The following RFTN2 variants were observed in gnomAD, a reference collection of about 807,000 sequenced individuals.
RFTN2 encodes raftlin-2.
In RFTN2, 34 loss-of-function variants were observed where a neutral mutation model predicts 52.7. That is an observed-to-expected ratio of 0.64 (90% CI 0.49 to 0.86). The LOEUF (loss-of-function observed/expected upper bound fraction) is 0.86. Among genes scored for constraint, RFTN2 ranks in the 40% least tolerant of loss-of-function variants. The pLI is 0.00. For synonymous variants in RFTN2, 203 were observed against 217.7 expected (o/e 0.93, Z 0.59); for missense variants, 536 against 600.1 (o/e 0.89, Z 1.12).
chr2:197,581,621 C>G (rs1340368343), intron 8 of RFTN2, among the ~76,000 whole-genome samples: 1 of 152,178 alleles, frequency 6.6e-6, no homozygotes. Context: ...CACCCTCCTG[C>G]TTCTTCAACA....
At chr2:197,601,343 G>C (rs1404135827) in intron 7 of RFTN2, among the ~76,000 whole-genome samples, 1 of 152,160 alleles carries the variant, frequency 6.6e-6, no homozygotes, top group Non-Finnish European at 1.5e-5. Flanking sequence ...AAGATCTCTT[G>C]GACTAAACTA....
chr2:197,645,171 G>A (rs1421465106), intron 2 of RFTN2, among the ~76,000 whole-genome samples: 10 of 152,016 alleles, frequency 6.6e-5, no homozygotes. Context: ...CGGTGGTCCC[G>A]TAAGATTATA....
rs1317321402 is a variant in RFTN2, at chr2:197,569,653, G to A, written c.*2355C>T. 1 of 152,032 alleles carries A rather than the reference G, an allele frequency of 6.6e-6. No homozygotes were observed. The highest frequency in any genetic ancestry group is 1.5e-5 in the Non-Finnish European group (1 of 67,998). The allele number at this position is 152,032 out of a possible 1,614,324, so 9.4% of individuals were successfully genotyped here. A position where few individuals can be genotyped will look rare whatever the true frequency, so the allele number is the denominator to read the frequency against. ...GCTTACACAAATTTTTTAAAAAAGC[G>A]ATTGCTTGGCTGGGTGCAGTGGCTC... On this transcript the variant is annotated 3_prime_UTR_variant, in exon 9 of 9. Transcript: ENST00000295049.
rs1418111181 is a variant in RFTN2 at position 197,568,369 on chromosome 2, C to T, written c.*3639G>A. ...CAAAACTTTATGAACCTCATCAAAA[C>T]TGAGGCTCATCATTTTACAGTTTTG... is the stretch of plus-strand genomic sequence containing the variant. On this transcript the variant is annotated 3_prime_UTR_variant, in exon 9 of 9. Coordinates refer to ENST00000295049, the MANE Select transcript of RFTN2 (RefSeq NM_144629.3). The T allele has an allele frequency of 6.6e-6, 1 of 152,202 alleles. No individual in the cohort carries two copies. The highest frequency in any genetic ancestry group is 2.4e-5 in the African/African-American group (1 of 41,456). 9.4% of individuals were successfully genotyped at this position (152,202 alleles called of 1,614,324 possible). A position where few individuals can be genotyped will look rare whatever the true frequency, so the allele number is the denominator to read the frequency against.
At chr2:197,616,268 C>CATTTTATTTATTTTATTTTTTT (rs372876451) in intron 6 of RFTN2, among the ~76,000 whole-genome samples, 1 of 60,768 alleles carries the variant, frequency 1.6e-5, no homozygotes, top group African/African-American at 8.0e-5. Context: ...TGGGAATCTG[C>CATTTTATTTATTTTATTTTTTT]ATTTTATTTT....
chr2:197,647,193 A>G (rs10166328), intron 1 of RFTN2, among the ~76,000 whole-genome samples: 107,622 of 151,990 alleles, frequency 0.71, 38,802 homozygotes, highest in Middle Eastern at 0.86. Context: ...TTTTATGACT[A>G]AACAAGATGA....
chr2:197,646,995 GAA>G (rs1244006337), intron 1 of RFTN2, among the ~76,000 whole-genome samples: 1 of 150,800 alleles, frequency 6.6e-6, no homozygotes, highest in Non-Finnish European at 1.5e-5. Flanking sequence ...CAGAAAAAAG[GAA>G]AAGTGACCTT....
intron 5 of RFTN2, among the ~76,000 whole-genome samples, chr2:197,629,744 A>G (rs56858593): frequency 0.5 from 70,052 of 139,314 alleles, 16,785 homozygotes; most frequent in Middle Eastern, 0.6. Flanking sequence ...TTTTTTTGAG[A>G]CAGTGTCTTA....
At position 197,633,725 on chromosome 2, in the gene RFTN2, C is replaced by T. The variant is rs2088504552; in HGVS notation, c.711G>A (p.Lys237=). Residue 237 remains lysine (K), a synonymous_variant, in exon 4 of 9, where the codon AAG becomes AAA. Transcript: ENST00000295049. ...ACTAATCTTGTCTATTACCTTCTCCCTTTCTTGATTTAGAGGAAGTAGGGC... is the reference window on the plus strand; with the variant it reads ...ACTAATCTTGTCTATTACCTTCTCCTTTTCTTGATTTAGAGGAAGTAGGGC... ...NGSPTSSKSR[K]GEASDNKLYT... 4 of 1,612,636 alleles carry T rather than the reference C, an allele frequency of 2.5e-6. No individual in the cohort carries two copies. The highest frequency in any genetic ancestry group is 2.7e-5 in the African/African-American group (2 of 74,876).
intron 8 of RFTN2, among the ~76,000 whole-genome samples, chr2:197,579,603 T>C (rs1172031841): frequency 6.6e-6 from 1 of 152,158 alleles, no homozygotes; most frequent in East Asian, 1.9e-4. Context: ...CCAGGCATTC[T>C]TTTACACATC....
At chr2:197,594,019 T>C (rs1228661701) in intron 8 of RFTN2, among the ~76,000 whole-genome samples, 1 of 144,780 alleles carries the variant, frequency 6.9e-6, no homozygotes, top group Non-Finnish European at 1.5e-5. Context: ...ATATTTCTTT[T>C]TTTTTTTTTT....
intron 7 of RFTN2, among the ~76,000 whole-genome samples, chr2:197,611,697 T>C (rs533965176): frequency 1.3e-5 from 2 of 152,354 alleles, no homozygotes; most frequent in Admixed American, 6.5e-5. Flanking sequence ...CTTTTAATTG[T>C]GATGTTAGAG....
At chr2:197,620,049 A>G (rs574259997) in intron 5 of RFTN2, among the ~76,000 whole-genome samples, 2 of 152,064 alleles carry the variant, frequency 1.3e-5, no homozygotes, top group African/African-American at 4.8e-5. Context: ...CGTTGTATGC[A>G]TGTTAATTAT....
intron 7 of RFTN2, 149 bp downstream of exon 7, chr2:197,615,727 C>T (rs1412821320): frequency 8.7e-6 from 5 of 571,780 alleles, no homozygotes; most frequent in Non-Finnish European, 1.3e-5. Flanking sequence ...ACTATATTTA[C>T]TAACCTCTAA....
chr2:197,646,779 A>T, intron 1 of RFTN2, 113 bp from the exon 2 acceptor site: 4 of 801,560 alleles, frequency 5.0e-6, no homozygotes, highest in South Asian at 3.6e-5. Flanking sequence ...GCCGGGTGCA[A>T]TGGCACATGC....
intron 5 of RFTN2, among the ~76,000 whole-genome samples, chr2:197,620,309 CAAT>C (rs1027286466): frequency 6.6e-6 from 1 of 152,064 alleles, no homozygotes; most frequent in Admixed American, 6.6e-5. Flanking sequence ...GAATAGTTGA[CAAT>C]AACCAGCTGG....
chr2:197,579,553 C>G (rs1210110849), intron 8 of RFTN2, among the ~76,000 whole-genome samples: 2 of 152,124 alleles, frequency 1.3e-5, no homozygotes, highest in African/African-American at 4.8e-5. Context: ...CTAGATAATT[C>G]TTGTCGTGAA....
rs186807702 is a variant in RFTN2, at chr2:197,647,499, C to T, written c.140-833G>A. Among the ~76,000 whole-genome samples, 297 of 152,176 alleles carry T rather than the reference C, an allele frequency of 2.0e-3. 2 individuals carry two copies. The highest frequency in any genetic ancestry group is 6.8e-3 in the African/African-American group (283 of 41,530). On this transcript the variant is annotated intron_variant, in intron 1 of 8. Coordinates refer to ENST00000295049, the MANE Select transcript of RFTN2 (RefSeq NM_144629.3). Reference sequence around the variant, plus strand: ...TGTTGGGATTATAGGTGTGAGCCAGCGCTCCCAGCCGAGATGCATAATTTC... The same window carrying T: ...TGTTGGGATTATAGGTGTGAGCCAGTGCTCCCAGCCGAGATGCATAATTTC...
intron 1 of RFTN2, among the ~76,000 whole-genome samples, chr2:197,663,639 G>T (rs2089009075): frequency 1.3e-5 from 2 of 152,128 alleles, no homozygotes; most frequent in Non-Finnish European, 2.9e-5. Flanking sequence ...AGTCTGTAAT[G>T]ATCTTTTGTA....
Sources: gnomAD v4.1 joint callset for allele counts (sites outside exome capture counted in the v4.1 genomes callset) on GRCh38, gnomAD v4.1.1 for gene constraint, MANE v1.5 for transcripts, NCBI Gene and HGNC (gene_info 2026-07-23, HGNC 2026-07-21) for gene names.